The following GPHN variants were observed in gnomAD, a reference collection of about 807,000 sequenced individuals.
The protein encoded by GPHN is gephyrin.
A neutral mutation model predicts 95.5 loss-of-function variants in GPHN; 17 were observed. That is an observed-to-expected ratio of 0.18 (90% CI 0.12 to 0.27). The LOEUF (loss-of-function observed/expected upper bound fraction) is 0.27, where lower values mean the gene tolerates loss of function less well. Ranked by LOEUF, GPHN falls within the 10% of genes least tolerant of loss-of-function variation. The pLI is 1.00. For missense variants in GPHN, 660 were observed against 978.1 expected (o/e 0.67, Z 4.34); for synonymous variants, 320 against 322.5 (o/e 0.99, Z 0.08).
chr14:67,118,687 C>T (rs975995006), intron 16 of GPHN, among the ~76,000 whole-genome samples: 20 of 151,696 alleles, frequency 1.3e-4, no homozygotes, highest in African/African-American at 4.6e-4. Context: ...GAGATCGCAT[C>T]ACTGCACTCA....
intron 2 of GPHN, among the ~76,000 whole-genome samples, chr14:66,682,810 T>C (rs940805618): frequency 1.3e-5 from 2 of 152,192 alleles, no homozygotes; most frequent in African/African-American, 4.8e-5. Context: ...AGAATGTATG[T>C]CTGTTTAATG....
chr14:67,614,101 A>G, the GPHN span, among the ~76,000 whole-genome samples: 16 of 151,988 alleles, frequency 1.1e-4, no homozygotes, highest in Non-Finnish European at 2.2e-4. Flanking sequence ...ACACCCAGCT[A>G]ATTTTGTTTA....
At chr14:67,285,397 C>T in the GPHN span, among the ~76,000 whole-genome samples, 22 of 142,538 alleles carry the variant, frequency 1.5e-4, no homozygotes, top group East Asian at 2.1e-4. Flanking sequence ...GACGGAGTCT[C>T]GCTCTGTCGC....
chr14:67,184,829 A>C (rs2083360737), downstream of GPHN, among the ~76,000 whole-genome samples: 1 of 152,218 alleles, frequency 6.6e-6, no homozygotes, highest in Non-Finnish European at 1.5e-5. Flanking sequence ...TATCAAGAAA[A>C]GTCTTGCCAA....
chr14:67,504,290 A>G, the GPHN span, among the ~76,000 whole-genome samples: 1 of 152,240 alleles, frequency 6.6e-6, no homozygotes, highest in Non-Finnish European at 1.5e-5. Flanking sequence ...CTGGGGTTGC[A>G]GGCGTGAGCC....
the GPHN span, chr14:67,656,515 T>G: frequency 6.2e-7 from 1 of 1,613,986 alleles, no homozygotes; most frequent in Admixed American, 1.7e-5. Context: ...GATGAGAACG[T>G]TCAATACTTT....
chr14:66,664,564 T>C (rs897041850), intron 1 of GPHN, among the ~76,000 whole-genome samples: 1 of 151,628 alleles, frequency 6.6e-6, no homozygotes, highest in Non-Finnish European at 1.5e-5. Context: ...AATGTCACAA[T>C]GAAAAGAACT....
At chr14:67,397,467 G>A in the GPHN span, among the ~76,000 whole-genome samples, 1 of 152,246 alleles carries the variant, frequency 6.6e-6, no homozygotes, top group African/African-American at 2.4e-5. Context: ...TTACAGATGA[G>A]GAACGAAGGC....
At chr14:67,386,645 A>ACAT in the GPHN span, 1 of 152,226 alleles carries the variant, frequency 6.6e-6, no homozygotes, top group African/African-American at 2.4e-5. Context: ...TTCCCCATTT[A>ACAT]CATCTTTTTC....
intron 1 of GPHN, among the ~76,000 whole-genome samples, chr14:66,643,141 T>G (rs1458534051): frequency 6.6e-6 from 1 of 152,068 alleles, no homozygotes; most frequent in Admixed American, 6.5e-5. Flanking sequence ...ATGTTCAATA[T>G]GAACATGAAA....
the GPHN span, chr14:67,735,189 G>A: frequency 3.7e-3 from 5,061 of 1,381,066 alleles, 239 homozygotes; most frequent in East Asian, 0.091. Flanking sequence ...CGTTCCCCTT[G>A]TTCAGATTCC....
At chr14:66,737,535 A>G (rs981184997) in intron 2 of GPHN, among the ~76,000 whole-genome samples, 47 of 151,190 alleles carry the variant, frequency 3.1e-4, no homozygotes, top group African/African-American at 9.5e-4. Context: ...TTCTTAGTTT[A>G]TCCTTTTGGG....
the GPHN span, among the ~76,000 whole-genome samples, chr14:67,401,527 A>C: frequency 1.3e-5 from 2 of 151,814 alleles, no homozygotes; most frequent in Non-Finnish European, 2.9e-5. Flanking sequence ...CAACAATAAT[A>C]ATAATTTTAA....
chr14:66,746,859 AC>A (rs1423371867), intron 2 of GPHN, among the ~76,000 whole-genome samples: 1 of 151,358 alleles, frequency 6.6e-6, no homozygotes, highest in African/African-American at 2.4e-5. Context: ...AGGTAGGTCG[AC>A]CTCCCTCAGA....
intron 1 of GPHN, among the ~76,000 whole-genome samples, chr14:66,667,087 A>G (rs1253665554): frequency 3.3e-5 from 5 of 152,228 alleles, no homozygotes; most frequent in Non-Finnish European, 5.9e-5. Context: ...CAACAAAGCG[A>G]AAGATCTCTG....
the GPHN span, among the ~76,000 whole-genome samples, chr14:67,259,205 A>C: frequency 2.2e-5 from 3 of 137,616 alleles, no homozygotes; most frequent in Non-Finnish European, 3.3e-5. Context: ...TATATATAAC[A>C]TATACACATG....
chr14:67,480,353 G>A, the GPHN span, among the ~76,000 whole-genome samples: 1 of 152,244 alleles, frequency 6.6e-6, no homozygotes, highest in East Asian at 1.9e-4. Flanking sequence ...GCCCTCAGGA[G>A]AACAAAACTC....
At chr14:66,924,545 G>A (rs998309644) in intron 8 of GPHN, among the ~76,000 whole-genome samples, 25 of 152,122 alleles carry the variant, frequency 1.6e-4, no homozygotes, top group Middle Eastern at 3.2e-3. Context: ...CAAATGACTT[G>A]CAAGAAAGTC....
the GPHN span, among the ~76,000 whole-genome samples, chr14:67,704,194 G>T: frequency 2.6e-5 from 4 of 152,184 alleles, no homozygotes; most frequent in Admixed American, 2.6e-4. Flanking sequence ...CCTAAGAGGT[G>T]TATGGGAGCC....
Sources: allele counts gnomAD v4.1 joint callset (sites outside exome capture counted in the v4.1 genomes callset), GRCh38; gene constraint gnomAD v4.1.1; transcripts MANE v1.5; gene names NCBI Gene and HGNC (gene_info 2026-07-23, HGNC 2026-07-21).